TBC1D5: variants seen among roughly 807,000 people sequenced by gnomAD.
The protein encoded by TBC1D5 is TBC1 domain family member 5, also known as TBC1 domain family, member 5.
Under a neutral mutation model 100.3 loss-of-function variants are expected in TBC1D5, and 75 were observed. That is an observed-to-expected ratio of 0.75 (90% CI 0.62 to 0.91). The LOEUF is 0.91. Among genes scored for constraint, TBC1D5 ranks in the 40% least tolerant of loss-of-function variants. The pLI, the probability that TBC1D5 is intolerant of heterozygous loss-of-function variation, is 0.00. For synonymous variants in TBC1D5, 323 were observed against 325.6 expected (o/e 0.99, Z 0.09); for missense variants, 910 against 942.4 (o/e 0.97, Z 0.45).
At chr3:17,375,267 A>T (rs1382136126) in intron 10 of TBC1D5, among the ~76,000 whole-genome samples, 1 of 148,634 alleles carries the variant, frequency 6.7e-6, no homozygotes, top group Non-Finnish European at 1.5e-5. Context: ...ATACACTCAC[A>T]TGTTAAAAAA....
intron 3 of TBC1D5, among the ~76,000 whole-genome samples, chr3:17,436,531 T>C (rs1363193098): frequency 1.3e-5 from 2 of 152,192 alleles, no homozygotes. Context: ...TGAAAAACTT[T>C]ATCAAAAACT....
intron 2 of TBC1D5, among the ~76,000 whole-genome samples, chr3:17,584,833 T>C (rs2096722421): frequency 6.6e-6 from 1 of 152,196 alleles, no homozygotes; most frequent in African/African-American, 2.4e-5. Context: ...GTTTTTTGTA[T>C]TTTTAGTAGA....
chr3:17,289,945 A>AT (rs1329366524), intron 15 of TBC1D5, among the ~76,000 whole-genome samples: 1 of 152,216 alleles, frequency 6.6e-6, no homozygotes. Flanking sequence ...ACACTTAACT[A>AT]TATCTACCAT....
chr3:17,434,262 A>G (rs570801611), intron 3 of TBC1D5, among the ~76,000 whole-genome samples: 5 of 152,352 alleles, frequency 3.3e-5, no homozygotes, highest in African/African-American at 1.2e-4. Context: ...CTGCCATAGC[A>G]GAGGTTCTCC....
At chr3:17,232,418 T>C (rs905952985) in intron 17 of TBC1D5, among the ~76,000 whole-genome samples, 1 of 152,178 alleles carries the variant, frequency 6.6e-6, no homozygotes, top group Non-Finnish European at 1.5e-5. Flanking sequence ...GTAAATTCTC[T>C]CCATATCAGA....
At chr3:17,383,507 C>T (rs970488053) in intron 9 of TBC1D5, among the ~76,000 whole-genome samples, 10 of 151,920 alleles carry the variant, frequency 6.6e-5, no homozygotes, top group African/African-American at 1.9e-4. Context: ...AGTTCTATTA[C>T]TGATAAGTTT....
rs563124817 is a variant in TBC1D5, at chr3:17,651,504, T to C, written c.-100-27591A>G. On this transcript the variant is annotated intron_variant, in intron 1 of 21. Transcript: ENST00000253692. ...TCCATTAATTTACTCCTTGTCCATA[T>C]TCAAGACCAGTCTGGCCAACATGGT... Among the ~76,000 whole-genome samples, 4 of 152,292 alleles carry C rather than the reference T, an allele frequency of 2.6e-5. No individual in the cohort carries two copies. The East Asian group carries it at 5.8e-4, about 22-fold the overall frequency.
intron 3 of TBC1D5, among the ~76,000 whole-genome samples, chr3:17,451,182 AG>A (rs1559913521): frequency 6.6e-6 from 1 of 152,234 alleles, no homozygotes; most frequent in East Asian, 1.9e-4. Flanking sequence ...GCAAATGCTG[AG>A]AGATTTTGTC....
intron 8 of TBC1D5, among the ~76,000 whole-genome samples, chr3:17,394,660 G>T (rs2093448249): frequency 6.6e-6 from 1 of 152,030 alleles, no homozygotes; most frequent in African/African-American, 2.4e-5. Flanking sequence ...AACAGAAGAG[G>T]CAGTCTTTTC....
In TBC1D5 at chr3:17,376,554, A is replaced by G. The variant is rs561554121; in HGVS notation, c.672T>C (p.Phe224=). 2.8e-4 allele frequency: 446 copies of G among 1,613,164 alleles called. 4 individuals carry two copies. The South Asian group carries it at 4.6e-3, about 17-fold the overall frequency. The change falls in exon 10 of 22, where the codon TTT becomes TTC. Residue 224 remains phenylalanine, a synonymous_variant. Coordinates refer to ENST00000253692, the Ensembl canonical transcript of TBC1D5. ...GCTGTGCAGACTCACTGGCATGTAG[A>G]AAAGCTTGGTGGTCACAGTGAAGGA... is the stretch of plus-strand genomic sequence containing the variant.
intron 1 of TBC1D5, among the ~76,000 whole-genome samples, chr3:17,624,887 C>T (rs766779070): frequency 3.9e-5 from 6 of 151,998 alleles, no homozygotes; most frequent in Middle Eastern, 3.2e-3. Flanking sequence ...TATGACAAGA[C>T]GCCAGAGAGA....
rs547647811 is a variant in TBC1D5, at chr3:17,272,172, C to T, written c.1246-13581G>A. Among the ~76,000 whole-genome samples the T allele has an allele frequency of 6.6e-5, 10 of 152,284 alleles. No homozygotes were observed. The South Asian group carries it at 2.1e-3, about 32-fold the overall frequency. On this transcript the variant is annotated intron_variant, in intron 15 of 21. Transcript: ENST00000253692. ...CTTAGAGATCTCATCAGCTGTTACACTGTGACTTATTTTTCTAGACTGTAC... is the reference window on the plus strand; with the variant it reads ...CTTAGAGATCTCATCAGCTGTTACATTGTGACTTATTTTTCTAGACTGTAC...
At chr3:17,706,221 T>G (rs1321379969) in intron 1 of TBC1D5, 13 of 1,549,382 alleles carry the variant, frequency 8.4e-6, no homozygotes, top group Non-Finnish European at 1.1e-5. Context: ...GCCCAGGCTG[T>G]GGAGGCGGCG....
chr3:17,723,427 T>C (rs1217380947), intron 1 of TBC1D5, among the ~76,000 whole-genome samples: 1 of 152,164 alleles, frequency 6.6e-6, no homozygotes. Context: ...CCTACAAAAA[T>C]ACTGATGATT....
chr3:17,423,054 T>A (rs1331567072), intron 4 of TBC1D5, among the ~76,000 whole-genome samples: 1 of 152,264 alleles, frequency 6.6e-6, no homozygotes, highest in Middle Eastern at 3.4e-3. Context: ...TTGAACAGCC[T>A]TTGACTTGGT....
At chr3:17,624,269 T>C (rs1450273888) in intron 1 of TBC1D5, among the ~76,000 whole-genome samples, 1 of 152,210 alleles carries the variant, frequency 6.6e-6, no homozygotes, top group Non-Finnish European at 1.5e-5. Context: ...TGAGATTTTA[T>C]TTCACTAAAA....
chr3:17,430,221 C>T lies in TBC1D5; in HGVS notation c.98-1702G>A, dbSNP rs546854898. Among the ~76,000 whole-genome samples, 372 of 151,796 alleles carry T rather than the reference C, an allele frequency of 2.5e-3. 2 individuals carry two copies. Among genetic ancestry groups the T allele is most frequent in the African/African-American group, 8.1e-3 (337 of 41,526 alleles). On this transcript the variant is annotated intron_variant, in intron 3 of 21. Transcript: ENST00000253692. ...CAGCTTGCAGACATTTCCTGTGAAA[C>T]GTTCCATAATCAGCATAGAATAAGT...
chr3:17,716,101 G>A (rs188852872), intron 1 of TBC1D5, among the ~76,000 whole-genome samples: 9 of 152,200 alleles, frequency 5.9e-5, no homozygotes, highest in Non-Finnish European at 4.4e-5. Flanking sequence ...GGGCTGAGAC[G>A]CTTGGCACCA....
At chr3:17,461,664 G>A (rs2095213860) in intron 3 of TBC1D5, among the ~76,000 whole-genome samples, 1 of 152,180 alleles carries the variant, frequency 6.6e-6, no homozygotes, top group African/African-American at 2.4e-5. Flanking sequence ...ATGTGTGAGT[G>A]TGTATGTGTG....
Sources: allele counts gnomAD v4.1 joint callset (sites outside exome capture counted in the v4.1 genomes callset), GRCh38; gene constraint gnomAD v4.1.1; transcripts MANE v1.5; gene names NCBI Gene and HGNC (gene_info 2026-07-23, HGNC 2026-07-21).